Variants in TMEM87A observed in about 807,000 individuals in gnomAD.
TMEM87A encodes transmembrane protein 87A, also known as Golgi-pH regulating cation channel.
TMEM87A carries 50 observed loss-of-function variants against 90.0 expected under a neutral mutation model. That is an observed-to-expected ratio of 0.56 (90% confidence interval 0.44 to 0.70). TMEM87A has a LOEUF of 0.70. Among genes scored for constraint, TMEM87A ranks in the 30% least tolerant of loss-of-function variants. The pLI is 0.00. For synonymous variants in TMEM87A, 226 were observed against 226.7 expected (o/e 1.00, Z 0.03); for missense variants, 577 against 660.5 (o/e 0.87, Z 1.39).
At chr15:42,229,179 T>C (rs1220825762) in intron 12 of TMEM87A, among the ~76,000 whole-genome samples, 1 of 152,000 alleles carries the variant, frequency 6.6e-6, no homozygotes, top group African/African-American at 2.4e-5. Context: ...ATTTTTAAAT[T>C]TTTTTGTAGA....
chr15:42,235,116 G>A (rs1183624205), intron 10 of TMEM87A, among the ~76,000 whole-genome samples: 1 of 152,154 alleles, frequency 6.6e-6, no homozygotes, highest in Non-Finnish European at 1.5e-5. Context: ...TTGGCTCACT[G>A]CAATCTCCGC....
At chr15:42,258,950 C>G in intron 6 of TMEM87A, 1 of 1,064,490 alleles carries the variant, frequency 9.4e-7, no homozygotes, top group Non-Finnish European at 1.4e-6. Flanking sequence ...TAAAGTCTTT[C>G]AACAATCCAA....
Position 42,220,096 on chromosome 15 carries a change from A to G in TMEM87A, c.1443T>C (p.Asp481=), listed in dbSNP as rs775404211. ...CTTTCAGCATAGGCTCCTTTTGTTC[A>G]TCCTCCTCCTCTTCCTCAGACAATG... is the stretch of plus-strand genomic sequence containing the variant. ...FSPLSEEEEE[D]EQKEPMLKES... The change falls in exon 16 of 20, where the codon GAT becomes GAC. Residue 481 remains aspartate (D), a synonymous_variant. Coordinates refer to ENST00000389834, the MANE Select transcript of TMEM87A (RefSeq NM_015497.5). 12 of 1,609,232 alleles carry G rather than the reference A, an allele frequency of 7.5e-6. No individual in the cohort carries two copies. The highest frequency in any genetic ancestry group is 2.2e-5 in the East Asian group (1 of 44,700).
intron 6 of TMEM87A, among the ~76,000 whole-genome samples, chr15:42,253,968 A>G (rs1725440374): frequency 6.6e-6 from 1 of 152,250 alleles, no homozygotes; most frequent in Non-Finnish European, 1.5e-5. Flanking sequence ...TTCAAAGTCT[A>G]GGACATCTGA....
intron 7 of TMEM87A, among the ~76,000 whole-genome samples, chr15:42,242,603 C>CGT (rs1311240693): frequency 6.6e-6 from 1 of 151,602 alleles, no homozygotes; most frequent in Non-Finnish European, 1.5e-5. Flanking sequence ...AGAGAATATG[C>CGT]GTGTGTGTGT....
chr15:42,234,922 T>A (rs376533289), intron 10 of TMEM87A, among the ~76,000 whole-genome samples: 19 of 152,322 alleles, frequency 1.2e-4, no homozygotes, highest in African/African-American at 4.6e-4. Context: ...TTCTGCTAAC[T>A]ACTTCATCTT....
At chr15:42,264,559 A>C (rs4583208) in intron 3 of TMEM87A, among the ~76,000 whole-genome samples, 109,009 of 141,784 alleles carry the variant, frequency 0.77, 42,055 homozygotes, top group Non-Finnish European at 0.87. Context: ...TCATAAGCTA[A>C]GATAGAGCAG....
intron 6 of TMEM87A, among the ~76,000 whole-genome samples, chr15:42,244,424 C>T (rs2050933642): frequency 6.6e-6 from 1 of 151,760 alleles, no homozygotes; most frequent in African/African-American, 2.4e-5. Context: ...AATGAGGAAA[C>T]CCCCAACTAA....
At chr15:42,259,438 G>C (rs961495389) in intron 6 of TMEM87A, among the ~76,000 whole-genome samples, 1 of 152,122 alleles carries the variant, frequency 6.6e-6, no homozygotes, top group African/African-American at 2.4e-5. Flanking sequence ...GAGCTGTCTG[G>C]CAAATTGCTG....
rs1458216747 is a variant in TMEM87A at position 42,259,124 on chromosome 15, A to AG, written c.504+1833dup. Reference sequence around the variant, plus strand: ...CAACAGCTTAGCAGCCACTAGGCAAAGGGGGTAGGGGAAGCAAACACAGAG... The same window carrying AG: ...CAACAGCTTAGCAGCCACTAGGCAAAGGGGGGTAGGGGAAGCAAACACAGAG... On this transcript the variant is annotated intron_variant, in intron 6 of 19. Coordinates refer to ENST00000389834, the MANE Select transcript of TMEM87A (RefSeq NM_015497.5). 4.8e-6 allele frequency: 3 copies of AG among 631,460 alleles called. No homozygotes were observed. In the African/African-American group the frequency reaches 5.5e-5, roughly 12 times the overall value. The allele number at this position is 631,460 out of a possible 1,614,324, so 39.1% of individuals were successfully genotyped here. A position where few individuals can be genotyped will look rare whatever the true frequency, so the allele number is the denominator to read the frequency against.
intron 6 of TMEM87A, among the ~76,000 whole-genome samples, chr15:42,248,519 TTTTG>T (rs2051020154): frequency 6.6e-6 from 1 of 152,210 alleles, no homozygotes; most frequent in African/African-American, 2.4e-5. Flanking sequence ...TCAAAGGCCT[TTTTG>T]GCATCTATTG....
At position 42,220,147 on chromosome 15, in the gene TMEM87A, A is replaced by G. The variant is rs931232336; in HGVS notation, c.1404-12T>C. 6.3e-7 allele frequency: 1 copy of G among 1,586,844 alleles called. No homozygotes were observed. The highest frequency in any genetic ancestry group is 8.5e-7 in the Non-Finnish European group (1 of 1,172,240). On this transcript the variant is annotated splice_polypyrimidine_tract_variant and intron_variant, in intron 15 of 19. Transcript: ENST00000389834. Reference sequence around the variant, plus strand: ...GTGAAAAGGCAAACCTAACAGAACCAAAGTGAACAGAAGGAAAAAATTAGA... The same window carrying G: ...GTGAAAAGGCAAACCTAACAGAACCGAAGTGAACAGAAGGAAAAAATTAGA...
chr15:42,244,983 T>C (rs900363426), intron 6 of TMEM87A, among the ~76,000 whole-genome samples: 3 of 151,926 alleles, frequency 2.0e-5, no homozygotes, highest in African/African-American at 2.4e-5. Context: ...TTTATGTTTA[T>C]GCATTTTCCT....
chr15:42,264,297 A>C (rs1435735069), intron 3 of TMEM87A, 94 bp from the exon 4 acceptor site: 1 of 777,908 alleles, frequency 1.3e-6, no homozygotes, highest in African/African-American at 1.7e-5. Context: ...TGCAGTACAG[A>C]TACAATTTTG....
At chr15:42,258,990 T>C (rs1042544573) in intron 6 of TMEM87A, 4 of 856,506 alleles carry the variant, frequency 4.7e-6, no homozygotes, top group Non-Finnish European at 7.8e-6. Flanking sequence ...GGCATCTGAA[T>C]CTAGGAAAGA....
intron 14 of TMEM87A, chr15:42,227,508 GA>G: frequency 2.1e-6 from 1 of 472,056 alleles, no homozygotes; most frequent in Non-Finnish European, 3.8e-6. Context: ...AATACAGTCA[GA>G]AAAAACAAAC....
chr15:42,222,237 T>C (rs1181532851), intron 15 of TMEM87A, among the ~76,000 whole-genome samples: 3 of 152,162 alleles, frequency 2.0e-5, no homozygotes, highest in African/African-American at 7.2e-5. Context: ...TTGGTATTTT[T>C]AGTAGAGACG....
chr15:42,239,402 T>C (rs2050831931), intron 8 of TMEM87A, among the ~76,000 whole-genome samples: 1 of 152,180 alleles, frequency 6.6e-6, no homozygotes, highest in Non-Finnish European at 1.5e-5. Context: ...TGCCCCACTA[T>C]GCATCCTAGA....
Position 42,228,750 on chromosome 15 carries a change from T to C in TMEM87A, c.1202A>G (p.Tyr401Cys). The change falls in exon 13 of 20, where the codon TAT (tyrosine) becomes TGT (cysteine). Residue 401 changes from tyrosine to cysteine, a missense_variant. Physicochemically the swap from Tyr to Cys is radical, Grantham distance 194. Transcript: ENST00000389834. The part of the protein sequence containing the change: ...LRRNIVKLSL[Y>C]RHFTNTLILA... ...AATAAGCGTGTTGGTGAAATGCCGATACAAAGAGAGTTTTACAATGTTCCT... is the reference window on the plus strand; with the variant it reads ...AATAAGCGTGTTGGTGAAATGCCGACACAAAGAGAGTTTTACAATGTTCCT... 3 of 1,610,514 alleles carry C rather than the reference T, an allele frequency of 1.9e-6. No homozygotes were observed. The highest frequency in any genetic ancestry group is 8.5e-7 in the Non-Finnish European group (1 of 1,179,112).
Sources: gnomAD v4.1 joint callset for allele counts (sites outside exome capture counted in the v4.1 genomes callset) on GRCh38, gnomAD v4.1.1 for gene constraint, MANE v1.5 for transcripts, NCBI Gene and HGNC (gene_info 2026-07-23, HGNC 2026-07-21) for gene names.